The following ADAMTSL1 variants were observed in gnomAD, a reference collection of about 807,000 sequenced individuals.
ADAMTSL1 encodes ADAMTS-like protein 1.
In ADAMTSL1, 126 loss-of-function variants were observed where a neutral mutation model predicts 201.8. The observed-to-expected ratio is 0.62, with a 90% CI of 0.54 to 0.72. The LOEUF (loss-of-function observed/expected upper bound fraction) is 0.72, where lower values mean the gene tolerates loss of function less well. Ranked by LOEUF, ADAMTSL1 falls within the 30% of genes least tolerant of loss-of-function variation. The probability of loss-of-function intolerance (pLI) is 0.00; values close to 1 mark genes in which losing one functional copy is unlikely to be tolerated. For synonymous variants in ADAMTSL1, 1,121 were observed against 903.4 expected, an observed-to-expected ratio of 1.24 and a Z score of -4.32; for missense variants, 2,679 against 2,277.8, an observed-to-expected ratio of 1.18 and a Z score of -3.59.
chr9:18,792,984 A>G (rs1822151066), intron 19 of ADAMTSL1, among the ~76,000 whole-genome samples: 1 of 152,250 alleles, frequency 6.6e-6, no homozygotes, highest in African/African-American at 2.4e-5. Flanking sequence ...ACAATCTCTC[A>G]GTGAATGTAT....
At chr9:18,536,913 A>G (rs554941828) in intron 3 of ADAMTSL1, among the ~76,000 whole-genome samples, 2 of 147,968 alleles carry the variant, frequency 1.4e-5, no homozygotes, top group Admixed American at 7.1e-5. Flanking sequence ...ATGTGTTTAG[A>G]GTACTTATAA....
At chr9:17,999,752 C>A (rs184827160) in intron 1 of ADAMTSL1, among the ~76,000 whole-genome samples, 53 of 150,080 alleles carry the variant, frequency 3.5e-4, no homozygotes, top group African/African-American at 1.3e-3. Flanking sequence ...TATCCCTCCC[C>A]GCTCCCCCCA....
At chr9:18,310,369 CAAAAAAAAAAAA>C (rs570081965) in intron 2 of ADAMTSL1, among the ~76,000 whole-genome samples, 7,336 of 35,366 alleles carry the variant, frequency 0.21, 276 homozygotes, top group Middle Eastern at 0.5. Context: ...TTCTGCATAG[CAAAAAAAAAAAA>C]AAAAAAAAAA....
chr9:18,661,161 T>C (rs1342259027), intron 8 of ADAMTSL1, among the ~76,000 whole-genome samples: 4 of 152,086 alleles, frequency 2.6e-5, no homozygotes, highest in African/African-American at 4.8e-5. Flanking sequence ...AGATAAAACA[T>C]ATGAAAAGAA....
At chr9:18,769,911 C>A (rs1398046836) in intron 16 of ADAMTSL1, among the ~76,000 whole-genome samples, 1 of 152,152 alleles carries the variant, frequency 6.6e-6, no homozygotes, top group African/African-American at 2.4e-5. Flanking sequence ...CTTCAGGGGG[C>A]CTCCCTCCCA....
Position 18,422,740 on chromosome 9 carries a change from G to T in ADAMTSL1, c.208-82089G>T, listed in dbSNP as rs1042164382. ...AAAGGGCGTAGATCCTTCTTTTTCT[G>T]TGTTCCTGCAGCATCCGGTATGGCC... On this transcript the variant is annotated intron_variant, in intron 2 of 29. Coordinates refer to the ADAMTSL1 transcript ENST00000680146. Among the ~76,000 whole-genome samples the T allele has an allele frequency of 2.0e-5, 3 of 152,128 alleles. No individual in the cohort carries two copies. In the East Asian group the frequency reaches 5.8e-4, roughly 29 times the overall value.
At chr9:18,191,405 T>G (rs1828963316) in intron 2 of ADAMTSL1, among the ~76,000 whole-genome samples, 1 of 152,194 alleles carries the variant, frequency 6.6e-6, no homozygotes, top group South Asian at 2.1e-4. Flanking sequence ...ACTGGGAGAC[T>G]GATGGCATCT....
chr9:18,820,046 T>C (rs1344414478), intron 21 of ADAMTSL1, among the ~76,000 whole-genome samples: 1 of 152,226 alleles, frequency 6.6e-6, no homozygotes, highest in African/African-American at 2.4e-5. Flanking sequence ...ATTGGTTAGG[T>C]GGGATTCTCT....
chr9:18,847,025 A>AC (rs1826160642), intron 23 of ADAMTSL1, among the ~76,000 whole-genome samples: 1 of 152,190 alleles, frequency 6.6e-6, no homozygotes, highest in African/African-American at 2.4e-5. Context: ...GGAGGAGAAT[A>AC]CCCCAAAGCT....
At chr9:18,101,038 T>C (rs1824492321) in intron 1 of ADAMTSL1, among the ~76,000 whole-genome samples, 1 of 152,186 alleles carries the variant, frequency 6.6e-6, no homozygotes, top group Non-Finnish European at 1.5e-5. Flanking sequence ...ACTTTTGTTG[T>C]ATATGTTGTC....
intron 2 of ADAMTSL1, among the ~76,000 whole-genome samples, chr9:18,184,897 G>A (rs999038746): frequency 1.3e-5 from 2 of 152,194 alleles, no homozygotes; most frequent in South Asian, 2.1e-4. Context: ...ACTAACTCAC[G>A]AAAGGCCCTT....
intron 3 of ADAMTSL1, among the ~76,000 whole-genome samples, chr9:18,534,249 A>G (rs958357846): frequency 1.3e-5 from 2 of 152,088 alleles, no homozygotes; most frequent in African/African-American, 4.8e-5. Flanking sequence ...GCAAGAAGTA[A>G]TGAAGGCTTA....
intron 9 of ADAMTSL1, among the ~76,000 whole-genome samples, 184 bp downstream of exon 9, chr9:18,662,257 C>T (rs1039159495): frequency 5.3e-5 from 8 of 152,166 alleles, no homozygotes; most frequent in African/African-American, 1.9e-4. Flanking sequence ...GGCTGCTATG[C>T]GAGGCCATCT....
intron 1 of ADAMTSL1, among the ~76,000 whole-genome samples, chr9:18,076,934 G>A (rs977065349): frequency 2.6e-5 from 4 of 152,096 alleles, no homozygotes; most frequent in Admixed American, 6.5e-5. Flanking sequence ...GAAATGGACC[G>A]ATTGAATGTA....
Position 18,840,944 on chromosome 9 carries a change from A to G in ADAMTSL1, c.4249+10967A>G, listed in dbSNP as rs1214698176. On this transcript the variant is annotated intron_variant, in intron 23 of 28. Coordinates refer to ENST00000380548, the MANE Select transcript of ADAMTSL1 (RefSeq NM_001040272.6). ...GCTTAAGGAGATTTTGGGCTGAGACAATGGGGTTTTCTAGATATACAATCA... is the reference window on the plus strand; with the variant it reads ...GCTTAAGGAGATTTTGGGCTGAGACGATGGGGTTTTCTAGATATACAATCA... 2.2e-3 allele frequency among the ~76,000 whole-genome samples: 320 copies of G among 147,206 alleles called. 2 individuals carry two copies. Among genetic ancestry groups the G allele is most frequent in the African/African-American group, 7.5e-3 (299 of 39,830 alleles).
At chr9:18,462,730 G>A (rs1165157934) in intron 2 of ADAMTSL1, among the ~76,000 whole-genome samples, 1 of 152,044 alleles carries the variant, frequency 6.6e-6, no homozygotes, top group Non-Finnish European at 1.5e-5. Flanking sequence ...CCTGAGGTCA[G>A]GAGTTTGAGA....
At chr9:17,929,929 T>C (rs73646032) in intron 1 of ADAMTSL1, among the ~76,000 whole-genome samples, 3,487 of 152,258 alleles carry the variant, frequency 0.023, 145 homozygotes, top group African/African-American at 0.08. Context: ...CTCTGCACTC[T>C]ATATATGTCA....
chr9:18,017,374 C>G (rs1200396770), intron 1 of ADAMTSL1, among the ~76,000 whole-genome samples: 1 of 151,836 alleles, frequency 6.6e-6, no homozygotes, highest in Non-Finnish European at 1.5e-5. Flanking sequence ...TTTCCCAGAC[C>G]CTGCTTTTAA....
intron 2 of ADAMTSL1, among the ~76,000 whole-genome samples, chr9:18,212,005 C>G (rs1829889841): frequency 6.6e-6 from 1 of 152,098 alleles, no homozygotes; most frequent in African/African-American, 2.4e-5. Context: ...AAGTCTCATT[C>G]AAGGACAGAA....
Sources: gnomAD v4.1 joint callset for allele counts (sites outside exome capture counted in the v4.1 genomes callset) on GRCh38, gnomAD v4.1.1 for gene constraint, MANE v1.5 for transcripts, NCBI Gene and HGNC (gene_info 2026-07-23, HGNC 2026-07-21) for gene names.